CAPZB: variants seen among roughly 807,000 people sequenced by gnomAD.
The protein encoded by CAPZB is capping actin protein of muscle Z-line subunit beta.
In CAPZB, 2 loss-of-function variants were observed where a neutral mutation model predicts 38.1. That is an observed-to-expected ratio of 0.05 (90% CI 0.02 to 0.17). The LOEUF (loss-of-function observed/expected upper bound fraction) is 0.17, where lower values mean the gene tolerates loss of function less well. Ranked by LOEUF, CAPZB falls within the 10% of genes least tolerant of loss-of-function variation. The pLI, the probability that CAPZB is intolerant of heterozygous loss-of-function variation, is 1.00. For synonymous variants in CAPZB, 107 were observed against 127.4 expected, an observed-to-expected ratio of 0.84 and a Z score of 1.08; for missense variants, 161 against 334.2, an observed-to-expected ratio of 0.48 and a Z score of 4.04.
intron 6 of CAPZB, among the ~76,000 whole-genome samples, chr1:19,353,433 A>ACGC (rs3042953): frequency 0.14 from 21,621 of 151,448 alleles, 1,812 homozygotes; most frequent in East Asian, 0.38. Context: ...GCCCCTGACC[A>ACGC]CGCCACGCCA....
intron 3 of CAPZB, among the ~76,000 whole-genome samples, chr1:19,383,405 C>G (rs1320477141): frequency 6.7e-6 from 1 of 149,260 alleles, no homozygotes; most frequent in Non-Finnish European, 1.5e-5. Context: ...TGAGATCGTG[C>G]CACTGCACTC....
rs909165323 is a variant in CAPZB at position 19,471,728 on chromosome 1, G to A, written c.3+13708C>T. 1.6e-4 allele frequency among the ~76,000 whole-genome samples: 25 copies of A among 152,052 alleles called. 1 individual carries two copies. The highest frequency in any genetic ancestry group is 5.2e-4 in the Admixed American group (8 of 15,262). On this transcript the variant is annotated intron_variant, in intron 1 of 8. Coordinates refer to ENST00000264202, the MANE Select transcript of CAPZB (RefSeq NM_004930.5). ...AAATACCAAAAAAAATTAGCCAGGC[G>A]TGGTGGCGGGCGCCTGTAGTCCCAG...
intron 1 of CAPZB, among the ~76,000 whole-genome samples, chr1:19,435,953 G>A (rs114599503): frequency 1.0e-3 from 152 of 152,320 alleles, no homozygotes; most frequent in African/African-American, 3.5e-3. Context: ...TAAGGATACA[G>A]GTTGGAAAGC....
chr1:19,404,414 C>A (rs2094320029), intron 2 of CAPZB, among the ~76,000 whole-genome samples: 2 of 151,644 alleles, frequency 1.3e-5, no homozygotes, highest in Admixed American at 1.3e-4. Context: ...CACGGTGGTA[C>A]AGGCCAGTAG....
chr1:19,410,908 T>C (rs1321906016), intron 2 of CAPZB, among the ~76,000 whole-genome samples: 2 of 152,178 alleles, frequency 1.3e-5, no homozygotes, highest in Admixed American at 6.5e-5. Flanking sequence ...GGTCAGAGAC[T>C]CACTGCCCTC....
At chr1:19,452,766 A>G (rs1051161013) in intron 1 of CAPZB, among the ~76,000 whole-genome samples, 10 of 137,302 alleles carry the variant, frequency 7.3e-5, no homozygotes. Flanking sequence ...TCCAAGCCCC[A>G]CCTTCGGCAG....
At chr1:19,463,346 C>T (rs774586913) in intron 1 of CAPZB, among the ~76,000 whole-genome samples, 5 of 152,290 alleles carry the variant, frequency 3.3e-5, no homozygotes, top group South Asian at 2.1e-4. Flanking sequence ...GTTCGGCAAC[C>T]GCTGGCCAAG....
intron 2 of CAPZB, among the ~76,000 whole-genome samples, chr1:19,403,511 G>A (rs1427973502): frequency 6.6e-6 from 1 of 152,238 alleles, no homozygotes; most frequent in South Asian, 2.1e-4. Context: ...CAAGGAGACA[G>A]GAGGAAGGGG....
At chr1:19,459,190 C>G (rs1166479855) in intron 1 of CAPZB, among the ~76,000 whole-genome samples, 1 of 152,178 alleles carries the variant, frequency 6.6e-6, no homozygotes, top group African/African-American at 2.4e-5. Flanking sequence ...GCTAATTTTA[C>G]TCAACAAAGT....
At chr1:19,366,310 A>AT (rs56784219) in intron 4 of CAPZB, among the ~76,000 whole-genome samples, 3,701 of 68,962 alleles carry the variant, frequency 0.054, 359 homozygotes, top group African/African-American at 0.14. Flanking sequence ...ATATATATAT[A>AT]AATAAAATAA....
At chr1:19,478,363 C>T (rs9287048) in intron 1 of CAPZB, among the ~76,000 whole-genome samples, 151,249 of 152,370 alleles carry the variant, frequency 0.99, 75,082 homozygotes, top group East Asian at 1. Context: ...GCACTTACAA[C>T]GTGCCAGGCA....
At chr1:19,468,910 G>A (rs1162856957) in intron 1 of CAPZB, among the ~76,000 whole-genome samples, 5 of 152,140 alleles carry the variant, frequency 3.3e-5, no homozygotes, top group African/African-American at 1.2e-4. Context: ...ATCTCTCAGC[G>A]AGACGCCTCC....
chr1:19,469,377 T>C (rs1388437182), intron 1 of CAPZB, among the ~76,000 whole-genome samples: 7 of 152,198 alleles, frequency 4.6e-5, no homozygotes, highest in African/African-American at 1.7e-4. Context: ...AAAGTTTCCT[T>C]CCTAAATAAT....
At position 19,357,224 on chromosome 1, in the gene CAPZB, T is replaced by C. The variant is rs1341695509; in HGVS notation, c.471+198A>G. On this transcript the variant is annotated intron_variant, in intron 5 of 8. Coordinates refer to ENST00000264202, the MANE Select transcript of CAPZB (RefSeq NM_004930.5). The surrounding 1 kb of genome is among the most constrained non-coding windows in gnomAD (Gnocchi z 4.3). ...GTTTTTAAAGGGACATTTGTAATTA[T>C]GTATTTCTTCTGGGAACTTAATCAT... 6.6e-6 allele frequency among the ~76,000 whole-genome samples: 1 copy of C among 151,558 alleles called. No individual in the cohort carries two copies. Among genetic ancestry groups the C allele is most frequent in the Admixed American group, 6.6e-5 (1 of 15,142 alleles).
At chr1:19,455,398 G>A (rs1297634266) in intron 1 of CAPZB, among the ~76,000 whole-genome samples, 4 of 152,186 alleles carry the variant, frequency 2.6e-5, no homozygotes, top group Non-Finnish European at 5.9e-5. Context: ...AGAAGAGGAC[G>A]ATGAGAGAAG....
intron 1 of CAPZB, among the ~76,000 whole-genome samples, chr1:19,461,204 G>T (rs1447340015): frequency 6.6e-6 from 1 of 152,194 alleles, no homozygotes; most frequent in South Asian, 2.1e-4. Flanking sequence ...TTAGAGAGGT[G>T]AAGGGACTTG....
In CAPZB at chr1:19,438,140, G is replaced by T. The variant is rs528360410; in HGVS notation, c.4-18390C>A. 9.9e-5 allele frequency among the ~76,000 whole-genome samples: 15 copies of T among 152,178 alleles called. 1 individual carries two copies. Among genetic ancestry groups the T allele is most frequent in the Admixed American group, 8.5e-4 (13 of 15,282 alleles). On this transcript the variant is annotated intron_variant, in intron 1 of 8. Transcript: ENST00000264202. ...TCCGAGGTCATGCTCCTCACTTAGA[G>T]GATCGTGGGAATGCTTACGGAAACA...
chr1:19,363,688 C>T (rs1300926593), intron 4 of CAPZB, among the ~76,000 whole-genome samples: 2 of 152,120 alleles, frequency 1.3e-5, no homozygotes, highest in South Asian at 2.1e-4. Flanking sequence ...GAAACGTGCT[C>T]GGGGAATCTG....
chr1:19,392,330 G>A (rs7667), intron 2 of CAPZB, among the ~76,000 whole-genome samples: 48,861 of 151,588 alleles, frequency 0.32, 7,945 homozygotes, highest in Middle Eastern at 0.39. Context: ...CTCCAAGACT[G>A]CAGGGAAAAA....
Sources: gnomAD v4.1 joint callset for allele counts (sites outside exome capture counted in the v4.1 genomes callset) on GRCh38, gnomAD v4.1.1 for gene constraint, Gnocchi (gnomAD v3.1) non-coding constraint, MANE v1.5 for transcripts, NCBI Gene and HGNC (gene_info 2026-07-23, HGNC 2026-07-21) for gene names.